TMEM242: variants seen among roughly 807,000 people sequenced by gnomAD.
The protein encoded by TMEM242 is transmembrane protein 242, also known as UPF0463 transmembrane protein C6orf35.
Under a neutral mutation model 18.2 loss-of-function variants are expected in TMEM242, and 10 were observed. The observed-to-expected ratio is 0.55, with a 90% CI of 0.34 to 0.93. TMEM242 has a LOEUF of 0.93. TMEM242 is among the 40% of genes least tolerant of loss of function. The pLI is 0.02. For synonymous variants in TMEM242, 57 were observed against 69.9 expected (o/e 0.81, Z 0.92); for missense variants, 186 against 175.5 (o/e 1.06, Z -0.34).
chr6:157,293,436 A>G (rs1466617358), intron 3 of TMEM242, among the ~76,000 whole-genome samples: 3 of 152,154 alleles, frequency 2.0e-5, no homozygotes, highest in Non-Finnish European at 4.4e-5. Context: ...ACTCTCCATA[A>G]TAATTATTCC....
At chr6:157,309,900 T>C (rs1554248181) in intron 3 of TMEM242, among the ~76,000 whole-genome samples, 1 of 152,194 alleles carries the variant, frequency 6.6e-6, no homozygotes, top group African/African-American at 2.4e-5. Context: ...CCTACTATAC[T>C]AGGCATCATG....
chr6:157,320,784 T>A (rs1005129565), intron 2 of TMEM242, among the ~76,000 whole-genome samples: 1 of 152,214 alleles, frequency 6.6e-6, no homozygotes, highest in African/African-American at 2.4e-5. Flanking sequence ...AAAGCTTGAA[T>A]TTTATCAGTG....
chr6:157,313,134 G>C (rs1554249633), intron 3 of TMEM242, among the ~76,000 whole-genome samples: 1 of 129,442 alleles, frequency 7.7e-6, no homozygotes, highest in African/African-American at 2.9e-5. Flanking sequence ...CCTCATCATA[G>C]TGTCCCAGTG....
At chr6:157,300,279 T>C (rs1305042632) in intron 3 of TMEM242, among the ~76,000 whole-genome samples, 1 of 152,252 alleles carries the variant, frequency 6.6e-6, no homozygotes, top group Non-Finnish European at 1.5e-5. Context: ...GCGCGGGCCT[T>C]GCCAGCGCCT....
intron 2 of TMEM242, among the ~76,000 whole-genome samples, chr6:157,322,161 C>T (rs587600107): frequency 6.6e-6 from 1 of 152,258 alleles, no homozygotes; most frequent in African/African-American, 2.4e-5. Context: ...GACAGAGTCT[C>T]GCTCTGTCAC....
At chr6:157,319,806 T>C (rs1298776888) in intron 2 of TMEM242, among the ~76,000 whole-genome samples, 1 of 152,188 alleles carries the variant, frequency 6.6e-6, no homozygotes, top group Admixed American at 6.5e-5. Flanking sequence ...TACTAAAAAT[T>C]GTATCATTTC....
chr6:157,323,359 G>C (rs1176580624), intron 1 of TMEM242, 53 bp downstream of exon 1: 4 of 1,578,126 alleles, frequency 2.5e-6, no homozygotes, highest in South Asian at 1.1e-5. Context: ...GAGCAAGCCA[G>C]GGTCCGGGGT....
chr6:157,312,207 G>T (rs377661667), intron 3 of TMEM242, among the ~76,000 whole-genome samples: 1 of 14,024 alleles, frequency 7.1e-5, no homozygotes. Flanking sequence ...TGTGCACTGA[G>T]CTAGCGTCAT....
Position 157,289,160 on chromosome 6 carries a change from A to C in TMEM242, c.*3741T>G, listed in dbSNP as rs1777650816. Among the ~76,000 whole-genome samples, 1 of 151,874 alleles carries C rather than the reference A, an allele frequency of 6.6e-6. No homozygotes were observed. The highest frequency in any genetic ancestry group is 2.4e-5 in the African/African-American group (1 of 41,312). On this transcript the variant is annotated 3_prime_UTR_variant, in exon 4 of 4. Coordinates refer to ENST00000400788, the MANE Select transcript of TMEM242 (RefSeq NM_018452.6). ...ATAAATCAAGGTCCTAAATCACTTC[A>C]CTAATACTTGGGTGGGAAAGTTGAA...
In TMEM242 at chr6:157,292,994, G is replaced by A. The variant is rs138702844; in HGVS notation, c.333C>T (p.Asn111=). ...VWKALGVHSM[N]DFRSKMQSIF... ...TTGATTGCATTTTACTTCGAAAGTC[G>A]TTCATCTAAAAGAAGAAAAATAATC... The change falls in exon 4 of 4, where the codon AAC becomes AAT. Residue 111 remains asparagine (N), a synonymous_variant. Transcript: ENST00000400788. 2.0e-3 allele frequency: 3,170 copies of A among 1,611,408 alleles called. 53 individuals carry two copies. In the African/African-American group the frequency reaches 0.034, roughly 17 times the overall value.
At position 157,322,744 on chromosome 6, in the gene TMEM242, T is replaced by C. The variant is rs782187966; in HGVS notation, c.150A>G (p.Leu50=). ...AGMLAGFITT[L]SLAKKKSPEW... The stretch of plus-strand genomic sequence containing the variant: ...CAGGGCTTTTCTTTTTAGCCAATGA[T>C]AATGTTGTAATAAATCCAGCTAGCA... The change falls in exon 2 of 4, where the codon TTA becomes TTG. Residue 50 remains leucine, a synonymous_variant. Transcript: ENST00000400788. The C allele has an allele frequency of 3.1e-6, 5 of 1,613,950 alleles. No homozygotes were observed. In the South Asian group the frequency reaches 3.3e-5, roughly 11 times the overall value.
rs140621278 is a variant in TMEM242 at position 157,305,655 on chromosome 6, T to C, written c.328-12656A>G. On this transcript the variant is annotated intron_variant, in intron 3 of 3. Transcript: ENST00000400788. This position sits in a 1 kb window ranked among gnomAD's most constrained non-coding sequence, Gnocchi z 4.1. ...AAGTAGGAGCTACTGGACACTGATG[T>C]TAAGAGGCTGGCCAGGGGAGGGGTT... Among the ~76,000 whole-genome samples the C allele has an allele frequency of 0.011, 1,722 of 152,140 alleles. 30 individuals carry two copies. Among genetic ancestry groups the C allele is most frequent in the African/African-American group, 0.038 (1,580 of 41,496 alleles).
chr6:157,310,910 C>A (rs1554248495), intron 3 of TMEM242, among the ~76,000 whole-genome samples: 2 of 152,114 alleles, frequency 1.3e-5, no homozygotes, highest in Non-Finnish European at 2.9e-5. Flanking sequence ...ATCATAGTGC[C>A]CCAGTGTGCA....
intron 3 of TMEM242, among the ~76,000 whole-genome samples, chr6:157,312,728 G>C: frequency 1.0e-5 from 1 of 99,578 alleles, no homozygotes; most frequent in Non-Finnish European, 2.1e-5. Context: ...TCATCTTACT[G>C]TCCCAGTGTG....
At position 157,313,250 on chromosome 6, in the gene TMEM242, G is replaced by T. The variant is rs112556975; in HGVS notation, c.327+5532C>A. 2.8e-5 allele frequency among the ~76,000 whole-genome samples: 2 copies of T among 70,462 alleles called. 1 individual carries two copies. Among genetic ancestry groups the T allele is most frequent in the African/African-American group, 1.1e-4 (2 of 18,266 alleles). 46.2% of individuals were successfully genotyped at this position (70,462 alleles called of 152,430 possible). A position where few individuals can be genotyped will look rare whatever the true frequency, so the allele number is the denominator to read the frequency against. On this transcript the variant is annotated intron_variant, in intron 3 of 3. Transcript: ENST00000400788. ...GCCTCATCATAGTGTCGCAGAGTGT[G>T]CTCACCTGGCCTCATCATAGTGTCC...
chr6:157,294,347 CTTTTTTTTTTT>C (rs587765277), intron 3 of TMEM242, among the ~76,000 whole-genome samples: 2 of 115,250 alleles, frequency 1.7e-5, no homozygotes, highest in Non-Finnish European at 3.5e-5. Context: ...CAAGTCATTT[CTTTTTTTTTTT>C]TTTTTTTTTT....
At chr6:157,311,154 C>T (rs1482684469) in intron 3 of TMEM242, among the ~76,000 whole-genome samples, 4 of 62,338 alleles carry the variant, frequency 6.4e-5, no homozygotes, top group African/African-American at 2.4e-4. Context: ...GTGCACTCAC[C>T]TAGCCCCATC....
chr6:157,304,062 G>C (rs143777515), intron 3 of TMEM242, among the ~76,000 whole-genome samples: 4,934 of 152,206 alleles, frequency 0.032, 132 homozygotes, highest in Admixed American at 0.047. Flanking sequence ...TTTGTTCTTT[G>C]AAAGCAGCAT....
At chr6:157,312,484 CAT>C (rs1309582416) in intron 3 of TMEM242, among the ~76,000 whole-genome samples, 3 of 151,092 alleles carry the variant, frequency 2.0e-5, no homozygotes, top group Admixed American at 6.6e-5. Flanking sequence ...CTAGCCTCAT[CAT>C]AGTGTCCCAG....
Sources: allele counts gnomAD v4.1 joint callset (sites outside exome capture counted in the v4.1 genomes callset), GRCh38; gene constraint gnomAD v4.1.1; non-coding constraint Gnocchi (gnomAD v3.1); transcripts MANE v1.5; gene names NCBI Gene and HGNC (gene_info 2026-07-23, HGNC 2026-07-21).